The following FAAH2 variants were observed in gnomAD, a reference collection of about 807,000 sequenced individuals.
The protein encoded by FAAH2 is fatty-acid amide hydrolase 2.
A neutral mutation model predicts 36.9 loss-of-function variants in FAAH2; 60 were observed. That is an observed-to-expected ratio of 1.63 (90% CI 1.32 to 2.02). The LOEUF (loss-of-function observed/expected upper bound fraction) is 2.02. FAAH2 is among the 30% of genes most tolerant of loss of function. The pLI, the probability that FAAH2 is intolerant of heterozygous loss-of-function variation, is 0.00. For missense variants in FAAH2, 689 were observed against 397.5 expected (o/e 1.73, Z -6.23); for synonymous variants, 214 against 143.8 (o/e 1.49, Z -3.49).
the FAAH2 span, among the ~76,000 whole-genome samples, chrX:57,207,175 G>C: frequency 3.6e-5 from 4 of 110,724 alleles, no homozygotes; most frequent in African/African-American, 1.3e-4. Flanking sequence ...TGACTTTCAG[G>C]GCTGTATGAT....
At chrX:57,264,879 A>G in the FAAH2 span, among the ~76,000 whole-genome samples, 2 of 112,140 alleles carry the variant, frequency 1.8e-5, no homozygotes, top group Non-Finnish European at 3.8e-5. Context: ...CCTCTCACGG[A>G]GAGGAACCAA....
chrX:57,175,359 C>T, the FAAH2 span, among the ~76,000 whole-genome samples: 15 of 111,558 alleles, frequency 1.3e-4, no homozygotes, highest in African/African-American at 4.9e-4. Context: ...GTTCTAAAGT[C>T]TGTTTTATGT....
chrX:57,405,635 G>A (rs1246365474), intron 7 of FAAH2, among the ~76,000 whole-genome samples: 1 of 105,650 alleles, frequency 9.5e-6, no homozygotes, highest in African/African-American at 3.5e-5. Flanking sequence ...TAAAATAGGA[G>A]GGGGCCCAAG....
At chrX:57,318,900 A>T (rs1490706313) in intron 3 of FAAH2, among the ~76,000 whole-genome samples, 1 of 111,997 alleles carries the variant, frequency 8.9e-6, no homozygotes, top group Non-Finnish European at 1.9e-5. Flanking sequence ...CATCACTTAA[A>T]CAGAACCAAT....
At chrX:57,463,787 G>T (rs1048774630) in intron 10 of FAAH2, among the ~76,000 whole-genome samples, 1 of 111,751 alleles carries the variant, frequency 8.9e-6, no homozygotes, top group Non-Finnish European at 1.9e-5. Flanking sequence ...AAATAGGAAT[G>T]CTTTTACACT....
At chrX:57,364,708 C>T (rs1457070849) in intron 5 of FAAH2, among the ~76,000 whole-genome samples, 3 of 110,660 alleles carry the variant, frequency 2.7e-5, no homozygotes, top group Non-Finnish European at 5.7e-5. Flanking sequence ...CCACTTCCCT[C>T]TTAACAGGTT....
chrX:57,434,870 C>G (rs2056377122), intron 8 of FAAH2, among the ~76,000 whole-genome samples: 1 of 110,902 alleles, frequency 9.0e-6, no homozygotes, highest in Non-Finnish European at 1.9e-5. Context: ...CTATGATCAG[C>G]AAGAAAAATG....
chrX:57,485,258 G>A (rs772448808), intron 10 of FAAH2, among the ~76,000 whole-genome samples: 1 of 111,638 alleles, frequency 9.0e-6, no homozygotes, highest in East Asian at 2.8e-4. Context: ...TGGCCCAGAG[G>A]TGTCAGGGGC....
At chrX:57,307,015 A>C (rs1407401028) in intron 2 of FAAH2, among the ~76,000 whole-genome samples, 1 of 73,082 alleles carries the variant, frequency 1.4e-5, no homozygotes, top group African/African-American at 4.1e-5. Flanking sequence ...ATATATATAT[A>C]TAGCCTTTGT....
intron 7 of FAAH2, among the ~76,000 whole-genome samples, chrX:57,389,340 A>C (rs2055108366): frequency 9.5e-6 from 1 of 105,202 alleles, no homozygotes; most frequent in African/African-American, 3.4e-5. Flanking sequence ...TACAAATGAA[A>C]GTTTGTACCC....
the FAAH2 span, among the ~76,000 whole-genome samples, chrX:57,265,344 A>G: frequency 9.0e-6 from 1 of 111,514 alleles, no homozygotes; most frequent in Non-Finnish European, 1.9e-5. Flanking sequence ...TGGTCTGTGA[A>G]CCCCACTTCC....
intron 2 of FAAH2, among the ~76,000 whole-genome samples, chrX:57,293,873 C>T (rs909300993): frequency 9.1e-6 from 1 of 110,257 alleles, no homozygotes; most frequent in Non-Finnish European, 1.9e-5. Flanking sequence ...AGGGCAGTGA[C>T]TGTCAGGGGA....
At chrX:57,454,039 G>A (rs1331591011) in intron 10 of FAAH2, among the ~76,000 whole-genome samples, 1 of 110,964 alleles carries the variant, frequency 9.0e-6, no homozygotes, top group Non-Finnish European at 1.9e-5. Flanking sequence ...CAAAGCCCAG[G>A]AGCCATCTAG....
the FAAH2 span, among the ~76,000 whole-genome samples, chrX:57,273,817 T>G: frequency 9.0e-6 from 1 of 111,729 alleles, no homozygotes; most frequent in East Asian, 2.8e-4. Context: ...AGGAAAAATC[T>G]AAAATTGATG....
chrX:57,380,783 T>C, intron 6 of FAAH2, 129 bp from the exon 7 acceptor site: 1 of 413,713 alleles, frequency 2.4e-6, no homozygotes, highest in Admixed American at 4.2e-5. Flanking sequence ...AAAGGTATAA[T>C]ACTGTTTCTG....
the FAAH2 span, among the ~76,000 whole-genome samples, chrX:57,147,240 G>C: frequency 9.0e-6 from 1 of 111,353 alleles, no homozygotes; most frequent in Non-Finnish European, 1.9e-5. Context: ...CAATCTTGCT[G>C]CTTGTTATTG....
the FAAH2 span, among the ~76,000 whole-genome samples, chrX:57,225,860 G>T: frequency 8.9e-6 from 1 of 112,019 alleles, no homozygotes; most frequent in Non-Finnish European, 1.9e-5. Flanking sequence ...CGGTTTTCCT[G>T]TTGTATCAGG....
chrX:57,483,854 C>T (rs1306364928), intron 10 of FAAH2, among the ~76,000 whole-genome samples: 3 of 92,973 alleles, frequency 3.2e-5, no homozygotes, highest in African/African-American at 8.4e-5. Context: ...AATGCAATGG[C>T]GCACAATAAA....
chrX:57,439,958 T>G (rs1157016068), intron 8 of FAAH2, among the ~76,000 whole-genome samples: 1 of 111,862 alleles, frequency 8.9e-6, no homozygotes, highest in African/African-American at 3.2e-5. Flanking sequence ...TCCATTGATC[T>G]ATATCTCTGT....
Sources: gnomAD v4.1 joint callset for allele counts (sites outside exome capture counted in the v4.1 genomes callset) on GRCh38, gnomAD v4.1.1 for gene constraint, MANE v1.5 for transcripts, NCBI Gene and HGNC (gene_info 2026-07-23, HGNC 2026-07-21) for gene names.